OSBPL10: variants seen among roughly 807,000 people sequenced by gnomAD.
The protein encoded by OSBPL10 is oxysterol-binding protein-related protein 10.
OSBPL10 carries 49 observed loss-of-function variants against 81.7 expected under a neutral mutation model. The ratio of observed to expected loss-of-function variants is 0.60; its 90% CI spans 0.48 to 0.76. The LOEUF is 0.76. Among genes scored for constraint, OSBPL10 ranks in the 30% least tolerant of loss-of-function variants. The pLI is 0.00. For synonymous variants in OSBPL10, 419 were observed against 383.6 expected, an observed-to-expected ratio of 1.09 and a Z score of -1.08; for missense variants, 923 against 987.8, an observed-to-expected ratio of 0.93 and a Z score of 0.88.
intron 4 of OSBPL10, among the ~76,000 whole-genome samples, chr3:31,760,019 C>T (rs1339098132): frequency 6.6e-6 from 1 of 152,200 alleles, no homozygotes; most frequent in Non-Finnish European, 1.5e-5. Context: ...ACCTTGACCT[C>T]GCAAAGTGCT....
chr3:32,013,395 A>G (rs974807732), intron 2 of OSBPL10, among the ~76,000 whole-genome samples: 4 of 152,216 alleles, frequency 2.6e-5, no homozygotes, highest in African/African-American at 9.6e-5. Context: ...TTTGAAACCA[A>G]CGAGAACAAA....
At chr3:31,932,870 A>G (rs1044766770) in intron 1 of OSBPL10, among the ~76,000 whole-genome samples, 1 of 152,154 alleles carries the variant, frequency 6.6e-6, no homozygotes, top group South Asian at 2.1e-4. Flanking sequence ...CTAACCTTTT[A>G]AGATGGTAGA....
intron 2 of OSBPL10, among the ~76,000 whole-genome samples, chr3:32,034,760 C>T (rs1000249210): frequency 6.6e-6 from 1 of 152,206 alleles, no homozygotes; most frequent in Non-Finnish European, 1.5e-5. Context: ...ATTTCATGGT[C>T]ACTTTGCAAA....
intron 3 of OSBPL10, among the ~76,000 whole-genome samples, chr3:31,843,769 T>A (rs1291583574): frequency 1.3e-5 from 2 of 152,150 alleles, no homozygotes; most frequent in Non-Finnish European, 2.9e-5. Context: ...AAAGGACCAA[T>A]CTAGACACTG....
intron 1 of OSBPL10, among the ~76,000 whole-genome samples, chr3:32,062,588 G>A (rs1210535107): frequency 2.1e-5 from 2 of 94,792 alleles, no homozygotes; most frequent in Non-Finnish European, 5.7e-5. Context: ...AAAACTCTGA[G>A]CGCAGATAGG....
Position 31,764,073 on chromosome 3 carries a change from T to TA in OSBPL10, c.730-15954dup, listed in dbSNP as rs1287665523. ...ACAAATATGACACAGAATAATGATA[T>TA]ATAATACACAGTGCTTTGCAAAAGA... On this transcript the variant is annotated intron_variant, in intron 4 of 11. Coordinates refer to ENST00000396556, the MANE Select transcript of OSBPL10 (RefSeq NM_017784.5). Among the ~76,000 whole-genome samples the TA allele has an allele frequency of 1.0e-3, 156 of 152,338 alleles. 1 individual carries two copies. The highest frequency in any genetic ancestry group is 2.8e-4 in the Non-Finnish European group (19 of 68,034).
intron 3 of OSBPL10, among the ~76,000 whole-genome samples, chr3:31,871,226 C>T (rs1701316280): frequency 6.6e-6 from 1 of 152,164 alleles, no homozygotes; most frequent in Admixed American, 6.5e-5. Context: ...GTAACACTCA[C>T]CCCTAAGATC....
At position 31,980,867 on chromosome 3, in the gene OSBPL10, G is replaced by A. The variant is rs751795149; in HGVS notation, c.281+32C>T. 4.6e-6 allele frequency: 7 copies of A among 1,535,856 alleles called. No homozygotes were observed. In the Admixed American group the frequency reaches 1.2e-4, roughly 27 times the overall value. On this transcript the variant is annotated intron_variant, in intron 1 of 11. Transcript: ENST00000396556. The stretch of plus-strand genomic sequence containing the variant: ...CACACACACACACACACACACAGCG[G>A]CGCGCGGTGGCGCGGGCGGCTGGCG...
intron 1 of OSBPL10, among the ~76,000 whole-genome samples, chr3:31,935,695 T>C (rs778761239): frequency 1.3e-5 from 2 of 152,034 alleles, no homozygotes; most frequent in Non-Finnish European, 2.9e-5. Context: ...GGCTAATTTT[T>C]GTATTTTTAG....
At chr3:31,898,113 C>T (rs926398203) in intron 1 of OSBPL10, among the ~76,000 whole-genome samples, 2 of 148,592 alleles carry the variant, frequency 1.3e-5, no homozygotes, top group Admixed American at 1.4e-4. Flanking sequence ...CTGGGAAGAT[C>T]TTGTTGACAT....
rs1476704314 is a variant in OSBPL10 at position 31,893,010 on chromosome 3, T to C, written c.282-13180A>G. On this transcript the variant is annotated intron_variant, in intron 1 of 11. Coordinates refer to ENST00000396556, the MANE Select transcript of OSBPL10 (RefSeq NM_017784.5). ...CCATACATCCTTGGTCAACAGAGCC[T>C]ATGCTCAGGCACAGGGAAGAGCGAT... Among the ~76,000 whole-genome samples the C allele has an allele frequency of 3.3e-5, 5 of 152,084 alleles. No individual in the cohort carries two copies. The South Asian group carries it at 8.3e-4, about 25-fold the overall frequency.
At chr3:31,723,384 G>A (rs1219265025) in intron 6 of OSBPL10, among the ~76,000 whole-genome samples, 4 of 152,186 alleles carry the variant, frequency 2.6e-5, no homozygotes, top group African/African-American at 4.8e-5. Context: ...CTATGGTCCC[G>A]GGGTGGCTGG....
chr3:31,965,312 G>T (rs1698290587), intron 1 of OSBPL10, among the ~76,000 whole-genome samples: 1 of 146,364 alleles, frequency 6.8e-6, no homozygotes, highest in African/African-American at 2.5e-5. Flanking sequence ...AGAGCTTGCA[G>T]GGAGCTGAGA....
chr3:31,779,959 A>G (rs1698644649), intron 4 of OSBPL10, among the ~76,000 whole-genome samples: 1 of 152,244 alleles, frequency 6.6e-6, no homozygotes, highest in Admixed American at 6.5e-5. Flanking sequence ...TCTTTGAGTC[A>G]ACAATAAAAT....
At chr3:32,072,104 C>T (rs958363896) in intron 1 of OSBPL10, among the ~76,000 whole-genome samples, 6 of 152,174 alleles carry the variant, frequency 3.9e-5, no homozygotes, top group Non-Finnish European at 7.3e-5. Context: ...AGGAATTACG[C>T]GTCAATATTT....
intron 5 of OSBPL10, among the ~76,000 whole-genome samples, chr3:31,735,935 T>C (rs1037454827): frequency 8.5e-5 from 13 of 152,200 alleles, no homozygotes; most frequent in African/African-American, 3.1e-4. Context: ...CTCACAGCAG[T>C]GTCCCCAGAA....
chr3:31,776,809 T>C (rs560919677), intron 4 of OSBPL10, among the ~76,000 whole-genome samples: 1 of 152,244 alleles, frequency 6.6e-6, no homozygotes, highest in Non-Finnish European at 1.5e-5. Flanking sequence ...GGCTGACTGC[T>C]ACACAGGTAT....
intron 1 of OSBPL10, among the ~76,000 whole-genome samples, chr3:32,067,053 T>G (rs1413436875): frequency 6.6e-6 from 1 of 152,176 alleles, no homozygotes; most frequent in Non-Finnish European, 1.5e-5. Context: ...TTAACCAAAC[T>G]GTTTTTGGAT....
intron 4 of OSBPL10, among the ~76,000 whole-genome samples, chr3:31,780,831 A>ACC (rs1350110041): frequency 4.5e-4 from 65 of 145,030 alleles, no homozygotes; most frequent in African/African-American, 1.2e-3. Flanking sequence ...ATTGCCCCCC[A>ACC]CCCCCCCAAA....
Sources: allele counts gnomAD v4.1 joint callset (sites outside exome capture counted in the v4.1 genomes callset), GRCh38; gene constraint gnomAD v4.1.1; transcripts MANE v1.5; gene names NCBI Gene and HGNC (gene_info 2026-07-23, HGNC 2026-07-21).